The following PTK2 variants were observed in gnomAD, a reference collection of about 807,000 sequenced individuals.
PTK2 encodes the protein focal adhesion kinase 1.
In PTK2, 45 loss-of-function variants were observed where a neutral mutation model predicts 150.1. The ratio of observed to expected loss-of-function variants is 0.30; its 90% CI spans 0.24 to 0.38. PTK2 has a LOEUF of 0.38. Ranked by LOEUF, PTK2 falls within the 10% of genes least tolerant of loss-of-function variation. The probability of loss-of-function intolerance (pLI) is 1.00; values close to 1 mark genes in which losing one functional copy is unlikely to be tolerated. For missense variants in PTK2, 919 were observed against 1,307.3 expected (o/e 0.70, Z 4.58); for synonymous variants, 432 against 449.2 (o/e 0.96, Z 0.48).
In PTK2 at chr8:140,902,980, T is replaced by C. The variant is rs190428805; in HGVS notation, c.-32-12211A>G. On this transcript the variant is annotated intron_variant, in intron 2 of 31. Coordinates refer to ENST00000522684, the Ensembl canonical transcript of PTK2. ...TTTTTGCCATGCAGAAGCTCTTTAGTTTAATTAGATGCCATTTGTCAATTT... is the reference window on the plus strand; with the variant it reads ...TTTTTGCCATGCAGAAGCTCTTTAGCTTAATTAGATGCCATTTGTCAATTT... Among the ~76,000 whole-genome samples, 34 of 143,332 alleles carry C rather than the reference T, an allele frequency of 2.4e-4. 1 individual carries two copies. Among genetic ancestry groups the C allele is most frequent in the Non-Finnish European group, 3.5e-4 (23 of 65,964 alleles). 94.0% of individuals were successfully genotyped at this position (143,332 alleles called of 152,430 possible).
intron 21 of PTK2, among the ~76,000 whole-genome samples, chr8:140,738,489 A>C (rs1430844953): frequency 6.6e-6 from 1 of 152,232 alleles, no homozygotes; most frequent in Non-Finnish European, 1.5e-5. Flanking sequence ...ACCTTGCAGC[A>C]GGTGAGGAGG....
At chr8:140,950,436 C>T (rs927847789) in intron 1 of PTK2, among the ~76,000 whole-genome samples, 1 of 152,248 alleles carries the variant, frequency 6.6e-6, no homozygotes, top group Non-Finnish European at 1.5e-5. Flanking sequence ...ACAGAACTGG[C>T]ACCTGTGCCA....
intron 1 of PTK2, among the ~76,000 whole-genome samples, chr8:140,971,169 C>A (rs1355939765): frequency 6.6e-6 from 1 of 152,118 alleles, no homozygotes; most frequent in African/African-American, 2.4e-5. Context: ...TTAGTACAAT[C>A]TGAAGTGGAA....
Position 140,948,933 on chromosome 8 carries a change from G to A in PTK2, c.-121-23184C>T, listed in dbSNP as rs148518569. On this transcript the variant is annotated intron_variant, in intron 1 of 31. Transcript: ENST00000522684. The stretch of plus-strand genomic sequence containing the variant: ...TTGAATGGTACAGGTCCACGTATAG[G>A]GGGATTTTTTTTCAATAATAGTTAC... 2.0e-5 allele frequency among the ~76,000 whole-genome samples: 3 copies of A among 151,960 alleles called. No individual in the cohort carries two copies. In the East Asian group the frequency reaches 5.8e-4, roughly 29 times the overall value.
At chr8:140,816,192 T>C (rs1238563685) in intron 10 of PTK2, among the ~76,000 whole-genome samples, 3 of 152,102 alleles carry the variant, frequency 2.0e-5, no homozygotes, top group Non-Finnish European at 4.4e-5. Flanking sequence ...AATATAAATT[T>C]TAAATTGTAA....
chr8:140,811,341 A>C (rs768278696), intron 10 of PTK2, among the ~76,000 whole-genome samples: 1 of 152,222 alleles, frequency 6.6e-6, no homozygotes, highest in Non-Finnish European at 1.5e-5. Flanking sequence ...GCAGCCAGTC[A>C]GTTGAGTCCA....
intron 29 of PTK2, chr8:140,669,444 CT>C: frequency 5.3e-6 from 2 of 378,910 alleles, no homozygotes; most frequent in East Asian, 8.3e-5. Flanking sequence ...CCCTTGGGTG[CT>C]TTTGCCTAAG....
At chr8:140,846,463 T>C (rs746079260) in intron 6 of PTK2, 136 bp downstream of exon 6, 22 of 1,143,668 alleles carry the variant, frequency 1.9e-5, no homozygotes, top group Non-Finnish European at 7.7e-6. Flanking sequence ...ACCAAACCAA[T>C]AGTTCATAAT....
intron 2 of PTK2, among the ~76,000 whole-genome samples, chr8:140,907,297 T>C (rs895090699): frequency 2.0e-4 from 30 of 152,340 alleles, no homozygotes; most frequent in African/African-American, 6.7e-4. Context: ...TCAGATTTCA[T>C]ACTTTTTCAG....
intron 3 of PTK2, among the ~76,000 whole-genome samples, chr8:140,887,057 G>C (rs1283012257): frequency 2.6e-5 from 4 of 152,192 alleles, no homozygotes; most frequent in Admixed American, 2.6e-4. Flanking sequence ...GCCAAGATAA[G>C]TGATGTTTGT....
At chr8:140,771,195 TG>T (rs1221245076) in intron 14 of PTK2, 2 of 153,232 alleles carry the variant, frequency 1.3e-5, no homozygotes, top group African/African-American at 2.4e-5. Flanking sequence ...TCTTCATTTG[TG>T]AAAGAGTTTT....
At chr8:140,893,739 A>G (rs917519599) in intron 2 of PTK2, among the ~76,000 whole-genome samples, 1 of 152,182 alleles carries the variant, frequency 6.6e-6, no homozygotes, top group Non-Finnish European at 1.5e-5. Flanking sequence ...AAAACACTCA[A>G]TTGCACACTT....
chr8:140,808,189 A>T (rs2100099241), intron 10 of PTK2, among the ~76,000 whole-genome samples: 1 of 152,252 alleles, frequency 6.6e-6, no homozygotes, highest in East Asian at 1.9e-4. Context: ...GTATGTTAGA[A>T]ATGTCTGCTG....
chr8:140,778,022 C>T (rs549514694), intron 14 of PTK2, among the ~76,000 whole-genome samples: 4 of 152,314 alleles, frequency 2.6e-5, no homozygotes, highest in African/African-American at 7.2e-5. Context: ...TCTCCTCACA[C>T]GGCAGCCTTG....
intron 14 of PTK2, among the ~76,000 whole-genome samples, chr8:140,767,238 G>A: frequency 6.7e-6 from 1 of 148,796 alleles, no homozygotes; most frequent in Middle Eastern, 3.2e-3. Flanking sequence ...ACAATCACAA[G>A]AGAAAACCTG....
intron 12 of PTK2, 126 bp downstream of exon 12, chr8:140,800,333 A>G: frequency 1.2e-6 from 1 of 804,438 alleles, no homozygotes; most frequent in Non-Finnish European, 2.1e-6. Flanking sequence ...GATTATACTG[A>G]GCTGAATTAT....
intron 20 of PTK2, among the ~76,000 whole-genome samples, chr8:140,742,845 A>C (rs2100056536): frequency 6.6e-6 from 1 of 152,212 alleles, no homozygotes; most frequent in Non-Finnish European, 1.5e-5. Context: ...CAGAACAAAA[A>C]TTTATAATTT....
At position 140,933,275 on chromosome 8, in the gene PTK2, CAGA is replaced by C. The variant is rs1393442048; in HGVS notation, c.-121-7529_-121-7527del. On this transcript the variant is annotated intron_variant, in intron 1 of 31. Coordinates refer to ENST00000522684, the Ensembl canonical transcript of PTK2. The stretch of plus-strand genomic sequence containing the variant: ...GAAGAGCATTTCCTTTAGAAAAAAA[CAGA>C]AGAACTGCATAAAATATAAAAATCA... 8.0e-5 allele frequency among the ~76,000 whole-genome samples: 12 copies of C among 149,780 alleles called. No homozygotes were observed. In the East Asian group the frequency reaches 1.2e-3, roughly 15 times the overall value.
chr8:140,883,397 T>C (rs1319629527), intron 3 of PTK2, among the ~76,000 whole-genome samples: 2 of 152,202 alleles, frequency 1.3e-5, no homozygotes, highest in South Asian at 2.1e-4. Context: ...TTTTTAGCTA[T>C]AGTCTCACAC....
Sources: gnomAD v4.1 joint callset for allele counts (sites outside exome capture counted in the v4.1 genomes callset) on GRCh38, gnomAD v4.1.1 for gene constraint, MANE v1.5 for transcripts, NCBI Gene and HGNC (gene_info 2026-07-23, HGNC 2026-07-21) for gene names.